PTPRK: variants seen among roughly 807,000 people sequenced by gnomAD.
PTPRK encodes receptor-type tyrosine-protein phosphatase kappa.
PTPRK carries 75 observed loss-of-function variants against 178.0 expected under a neutral mutation model. That is an observed-to-expected ratio of 0.42 (90% CI 0.35 to 0.51). The LOEUF is 0.51. Ranked by LOEUF, PTPRK falls within the 20% of genes least tolerant of loss-of-function variation. PTPRK has a pLI of 0.02. For missense variants in PTPRK, 1,441 were observed against 1,797.8 expected (o/e 0.80, Z 3.59); for synonymous variants, 637 against 620.6 (o/e 1.03, Z -0.39).
At chr6:128,117,301 C>T (rs1791699994) in intron 7 of PTPRK, among the ~76,000 whole-genome samples, 1 of 151,844 alleles carries the variant, frequency 6.6e-6, no homozygotes, top group African/African-American at 2.4e-5. Flanking sequence ...TTCTGTAAAA[C>T]CCAGTTTGAA....
At chr6:128,399,830 T>A (rs1027080416) in intron 1 of PTPRK, among the ~76,000 whole-genome samples, 20 of 152,182 alleles carry the variant, frequency 1.3e-4, no homozygotes, top group Non-Finnish European at 2.6e-4. Flanking sequence ...ACAAAATAAG[T>A]GGGTCAATGC....
chr6:128,121,041 T>A (rs1257450091), intron 7 of PTPRK, among the ~76,000 whole-genome samples: 2 of 150,474 alleles, frequency 1.3e-5, no homozygotes, highest in Non-Finnish European at 3.0e-5. Flanking sequence ...GAGTAATAAC[T>A]ATTATTCAGC....
intron 1 of PTPRK, among the ~76,000 whole-genome samples, chr6:128,504,980 T>C (rs566679046): frequency 5.3e-5 from 8 of 152,278 alleles, no homozygotes; most frequent in Non-Finnish European, 1.0e-4. Flanking sequence ...TCCCTGCTTT[T>C]AGAACTGTTT....
At position 128,193,588 on chromosome 6, in the gene PTPRK, C is replaced by T. The variant is rs141618407; in HGVS notation, c.869-8863G>A. Among the ~76,000 whole-genome samples the T allele has an allele frequency of 3.4e-3, 519 of 151,964 alleles. 2 individuals are homozygous for T. Among genetic ancestry groups the T allele is most frequent in the African/African-American group, 0.012 (488 of 41,438 alleles). ...CAACAATGATTTTGTCTCTCAAGTC[C>T]CCATGTGATATGTATTCAGTTTTTG... is the stretch of plus-strand genomic sequence containing the variant. On this transcript the variant is annotated intron_variant, in intron 6 of 29. Coordinates refer to ENST00000368226, the MANE Select transcript of PTPRK (RefSeq NM_002844.4).
At chr6:128,378,848 T>C (rs1195925525) in intron 2 of PTPRK, among the ~76,000 whole-genome samples, 1 of 152,106 alleles carries the variant, frequency 6.6e-6, no homozygotes, top group East Asian at 1.9e-4. Flanking sequence ...ATCTTCTAGT[T>C]TTATCTCCAC....
intron 13 of PTPRK, among the ~76,000 whole-genome samples, chr6:128,037,021 C>T (rs543944796): frequency 3.2e-4 from 49 of 152,174 alleles, no homozygotes; most frequent in East Asian, 1.4e-3. Flanking sequence ...CACAAGCCGC[C>T]GCTCCCCGCC....
chr6:128,137,234 A>G (rs1176313088), intron 7 of PTPRK, among the ~76,000 whole-genome samples: 1 of 152,210 alleles, frequency 6.6e-6, no homozygotes, highest in Non-Finnish European at 1.5e-5. Context: ...CCCAGTTTAA[A>G]GAAACCTTTT....
At position 128,299,920 on chromosome 6, in the gene PTPRK, T is replaced by A. The variant is rs535286653; in HGVS notation, c.495+22119A>T. Reference sequence around the variant, plus strand: ...CTCTGCACAGCAAAAGAAACTACCATCAGAGTGAACAGGCAACCTACAAAA... The same window carrying A: ...CTCTGCACAGCAAAAGAAACTACCAACAGAGTGAACAGGCAACCTACAAAA... On this transcript the variant is annotated intron_variant, in intron 3 of 29. Transcript: ENST00000368226. Among the ~76,000 whole-genome samples, 703 of 152,070 alleles carry A rather than the reference T, an allele frequency of 4.6e-3. 6 individuals carry two copies. The highest frequency in any genetic ancestry group is 0.014 in the African/African-American group (599 of 41,486).
intron 6 of PTPRK, among the ~76,000 whole-genome samples, chr6:128,206,837 G>C (rs1562790383): frequency 6.6e-6 from 1 of 152,034 alleles, no homozygotes; most frequent in Non-Finnish European, 1.5e-5. Flanking sequence ...CATTTATCAT[G>C]TTTCATGATA....
intron 7 of PTPRK, among the ~76,000 whole-genome samples, chr6:128,120,689 T>A (rs1368463659): frequency 1.3e-5 from 2 of 151,904 alleles, no homozygotes; most frequent in Admixed American, 6.6e-5. Flanking sequence ...AAATGAAACA[T>A]CAGGTGTGTT....
chr6:128,226,325 C>A (rs1006513705), intron 5 of PTPRK, among the ~76,000 whole-genome samples: 2 of 152,126 alleles, frequency 1.3e-5, no homozygotes, highest in Admixed American at 1.3e-4. Context: ...AGATGATAAT[C>A]CAAACAATAT....
chr6:128,184,503 A>C lies in PTPRK; in HGVS notation c.1091T>G (p.Leu364Arg). Residue 364 changes from leucine (L) to arginine (R), a missense_variant, in exon 7 of 30, where the codon CTA becomes CGA. Around this residue, in one of 4 missense-constraint regions of PTPRK, gnomAD observed 945 missense variants for 1,080.6 expected, o/e 0.87. Transcript: ENST00000368226. ...DPDTEYEIRV[L>R]LTRPGEGGTG... ...TCCACCTTCACCAGGTCTTGTAAGT[A>C]GAACTCGGATCTCATATTCGGTATC... is the stretch of plus-strand genomic sequence containing the variant. The C allele has an allele frequency of 6.2e-7, 1 of 1,613,914 alleles. No individual in the cohort carries two copies. The highest frequency in any genetic ancestry group is 8.5e-7 in the Non-Finnish European group (1 of 1,179,850).
chr6:128,289,443 G>C (rs1326506602), intron 3 of PTPRK, among the ~76,000 whole-genome samples: 1 of 152,106 alleles, frequency 6.6e-6, no homozygotes, highest in African/African-American at 2.4e-5. Flanking sequence ...TATTGAAATA[G>C]AATGTCTGAC....
At chr6:128,357,643 T>A (rs1834137789) in intron 2 of PTPRK, among the ~76,000 whole-genome samples, 1 of 152,246 alleles carries the variant, frequency 6.6e-6, no homozygotes, top group African/African-American at 2.4e-5. Context: ...TGGCTCTTTG[T>A]AGCCAGAAGA....
rs377057034 is a variant in PTPRK at position 127,990,749 on chromosome 6, T to C, written c.3096+20A>G. The C allele has an allele frequency of 5.2e-5, 78 of 1,502,968 alleles. No homozygotes were observed. The Middle Eastern group carries it at 1.2e-3, about 23-fold the overall frequency. 93.1% of individuals were successfully genotyped at this position (1,502,968 alleles called of 1,614,324 possible). A position where few individuals can be genotyped will look rare whatever the true frequency, so the allele number is the denominator to read the frequency against. On this transcript the variant is annotated intron_variant, in intron 21 of 29. Transcript: ENST00000368226. ...GCAGTTTTGATATCACTTTTTAAAA[T>C]AGAATTTTAGAGTACTTACCCTTTC...
chr6:128,332,640 T>G (rs979502556), intron 2 of PTPRK, among the ~76,000 whole-genome samples: 8 of 152,242 alleles, frequency 5.3e-5, no homozygotes, highest in African/African-American at 1.7e-4. Context: ...GATGACAATG[T>G]TAAAGGGTGG....
chr6:128,307,461 T>TA lies in PTPRK; in HGVS notation c.495+14577dup, dbSNP rs540521960. On this transcript the variant is annotated intron_variant, in intron 3 of 29. Transcript: ENST00000368226. ...AGTCATTCCTTTTTTATTTGTAAAGTAAAAAAAAAAAAAATCAAAAAAAAA... is the reference window on the plus strand; with the variant it reads ...AGTCATTCCTTTTTTATTTGTAAAGTAAAAAAAAAAAAAAATCAAAAAAAAA... Among the ~76,000 whole-genome samples the TA allele has an allele frequency of 4.7e-3, 574 of 123,066 alleles. 4 individuals carry two copies. The highest frequency in any genetic ancestry group is 0.017 in the East Asian group (72 of 4,300). 80.7% of individuals were successfully genotyped at this position (123,066 alleles called of 152,430 possible). A position where few individuals can be genotyped will look rare whatever the true frequency, so the allele number is the denominator to read the frequency against.
intron 8 of PTPRK, among the ~76,000 whole-genome samples, chr6:128,086,055 T>C (rs1401711472): frequency 1.3e-5 from 2 of 152,234 alleles, no homozygotes; most frequent in African/African-American, 4.8e-5. Flanking sequence ...GGCAGTCTAC[T>C]GATTGCAGGG....
chr6:128,267,440 G>C (rs1286384125), intron 3 of PTPRK, among the ~76,000 whole-genome samples: 1 of 151,986 alleles, frequency 6.6e-6, no homozygotes, highest in East Asian at 1.9e-4. Context: ...AATAAAAATA[G>C]AGAATAAAAA....
Sources: gnomAD v4.1 joint callset for allele counts (sites outside exome capture counted in the v4.1 genomes callset) on GRCh38, gnomAD v4.1.1 for gene constraint, gnomAD v4.1.1 regional missense constraint, MANE v1.5 for transcripts, NCBI Gene and HGNC (gene_info 2026-07-23, HGNC 2026-07-21) for gene names.